The following SLC25A13 variants were observed in gnomAD, a reference collection of about 807,000 sequenced individuals.
SLC25A13 encodes solute carrier family 25 member 13, also known as electrogenic aspartate/glutamate antiporter SLC25A13, mitochondrial.
In SLC25A13, 70 loss-of-function variants were observed where a neutral mutation model predicts 85.5. The ratio of observed to expected loss-of-function variants is 0.82; its 90% confidence interval spans 0.68 to 1.00. The LOEUF (loss-of-function observed/expected upper bound fraction) is 1.00. Among genes scored for constraint, SLC25A13 ranks in the 50% least tolerant of loss-of-function variants. The pLI is 0.00. For synonymous variants in SLC25A13, 259 were observed against 288.7 expected (o/e 0.90, Z 1.04); for missense variants, 765 against 819.8 (o/e 0.93, Z 0.82).
chr7:96,283,421 A>G (rs1298461785), intron 2 of SLC25A13: 1 of 423,880 alleles, frequency 2.4e-6, no homozygotes, highest in Non-Finnish European at 4.7e-6. Flanking sequence ...TTTAGAAAAC[A>G]TAGAGTTGTT....
chr7:96,229,104 G>A (rs369763682), intron 4 of SLC25A13, among the ~76,000 whole-genome samples: 11 of 152,242 alleles, frequency 7.2e-5, no homozygotes, highest in African/African-American at 1.9e-4. Flanking sequence ...GGCGCATGGC[G>A]TGGGACTGAT....
At chr7:96,122,111 T>G in intron 15 of SLC25A13, 114 bp from the exon 16 acceptor site, 1 of 1,387,000 alleles carries the variant, frequency 7.2e-7, no homozygotes, top group South Asian at 1.2e-5. Flanking sequence ...TTCAATAAAA[T>G]GCCTATTTTG....
intron 2 of SLC25A13, among the ~76,000 whole-genome samples, chr7:96,289,456 C>A (rs1295869195): frequency 6.6e-6 from 1 of 152,144 alleles, no homozygotes; most frequent in Non-Finnish European, 1.5e-5. Context: ...GATCAAACTT[C>A]TCCGAGCTAA....
At chr7:96,143,335 A>G (rs1200416645) in intron 14 of SLC25A13, among the ~76,000 whole-genome samples, 1 of 152,214 alleles carries the variant, frequency 6.6e-6, no homozygotes, top group Non-Finnish European at 1.5e-5. Context: ...TGCTATGTTA[A>G]GTTTATTTGA....
chr7:96,290,937 C>A (rs1203238457), intron 2 of SLC25A13, among the ~76,000 whole-genome samples: 1 of 152,222 alleles, frequency 6.6e-6, no homozygotes, highest in East Asian at 1.9e-4. Flanking sequence ...ACCTAACAGA[C>A]ATCTACAGAA....
Position 96,241,037 on chromosome 7 carries a change from G to GGAAAGAAAGAAA in SLC25A13, c.213-6132_213-6121dup, listed in dbSNP as rs200466951. ...AAGAAAAGAAAAGAAAAGAAAGAAA[G>GGAAAGAAAGAAA]GAAAGAAAGAAAGAAAGAAAGAAAG... On this transcript the variant is annotated intron_variant, in intron 3 of 17. Coordinates refer to ENST00000265631, the MANE Select transcript of SLC25A13 (RefSeq NM_014251.3). Among the ~76,000 whole-genome samples, 718 of 80,672 alleles carry GGAAAGAAAGAAA rather than the reference G, an allele frequency of 8.9e-3. 13 individuals carry two copies. Among genetic ancestry groups the GGAAAGAAAGAAA allele is most frequent in the East Asian group, 0.025 (67 of 2,688 alleles). The allele number at this position is 80,672 out of a possible 152,430, so 52.9% of individuals were successfully genotyped here.
intron 14 of SLC25A13, among the ~76,000 whole-genome samples, chr7:96,138,574 T>A (rs1792391598): frequency 6.6e-6 from 1 of 151,998 alleles, no homozygotes; most frequent in Non-Finnish European, 1.5e-5. Context: ...TAAAAAAATA[T>A]TTTTGTGTAG....
rs375720952 is a variant in SLC25A13, at chr7:96,186,773, T to G, written c.934-1762A>C. ...TGTCATATGATTCTTTGTACCTATT[T>G]AAATGTTTGACCTATTTCCTGGTAA... On this transcript the variant is annotated intron_variant, in intron 9 of 17. Coordinates refer to ENST00000265631, the MANE Select transcript of SLC25A13 (RefSeq NM_014251.3). Among the ~76,000 whole-genome samples the G allele has an allele frequency of 4.7e-3, 719 of 152,368 alleles. 8 individuals carry two copies. The highest frequency in any genetic ancestry group is 8.6e-3 in the Non-Finnish European group (585 of 68,032).
intron 3 of SLC25A13, among the ~76,000 whole-genome samples, chr7:96,247,420 G>A (rs552745556): frequency 1.5e-3 from 232 of 152,248 alleles, no homozygotes; most frequent in Non-Finnish European, 2.2e-3. Context: ...GATGACGTAA[G>A]AGAACTCAGA....
intron 13 of SLC25A13, among the ~76,000 whole-genome samples, chr7:96,154,824 G>GTC (rs995875109): frequency 2.1e-5 from 3 of 145,150 alleles, no homozygotes; most frequent in African/African-American, 7.8e-5. Context: ...TTAAGACAGA[G>GTC]TCTCTCTCTG....
chr7:96,124,585 G>A (rs1791648931), intron 15 of SLC25A13, among the ~76,000 whole-genome samples: 2 of 152,120 alleles, frequency 1.3e-5, no homozygotes, highest in South Asian at 4.1e-4. Context: ...ATTGCTACTT[G>A]CTTATTGTTG....
rs1795800396 is a variant in SLC25A13 at position 96,214,167 on chromosome 7, T to C, written c.329-5190A>G. Among the ~76,000 whole-genome samples, 10 of 152,312 alleles carry C rather than the reference T, an allele frequency of 6.6e-5. No individual in the cohort carries two copies. In the South Asian group the frequency reaches 2.1e-3, roughly 32 times the overall value. ...AAGACAATTACAAAGTGGCAGTTGT[T>C]TACTTCCTAAAGATAACCTCAAAAA... On this transcript the variant is annotated intron_variant, in intron 4 of 17. Coordinates refer to ENST00000265631, the MANE Select transcript of SLC25A13 (RefSeq NM_014251.3).
intron 2 of SLC25A13, among the ~76,000 whole-genome samples, chr7:96,287,326 G>A (rs956323884): frequency 2.6e-5 from 4 of 152,094 alleles, no homozygotes; most frequent in African/African-American, 9.7e-5. Flanking sequence ...TTCAGGTATG[G>A]TCCCCCTGAC....
chr7:96,194,364 C>A (rs1794974216), intron 5 of SLC25A13, among the ~76,000 whole-genome samples: 2 of 126,740 alleles, frequency 1.6e-5, no homozygotes, highest in South Asian at 2.7e-4. Flanking sequence ...ATCACCTGAG[C>A]CTGGGGAGGA....
At chr7:96,227,970 T>C (rs1337823987) in intron 4 of SLC25A13, among the ~76,000 whole-genome samples, 3 of 152,162 alleles carry the variant, frequency 2.0e-5, no homozygotes, top group Admixed American at 6.5e-5. Context: ...GTTCAAGCGA[T>C]TCTCCTGCCT....
chr7:96,158,649 G>A (rs1250796204), intron 13 of SLC25A13, among the ~76,000 whole-genome samples: 2 of 152,136 alleles, frequency 1.3e-5, no homozygotes, highest in Admixed American at 6.5e-5. Context: ...GTGCTTACAC[G>A]TGTCAAAAAT....
intron 12 of SLC25A13, 22 bp downstream of exon 12, chr7:96,171,450 A>T: frequency 6.2e-7 from 1 of 1,605,500 alleles, no homozygotes; most frequent in South Asian, 1.1e-5. Context: ...CTTAATAAGA[A>T]GCACCAACTC....
At chr7:96,279,737 G>GT (rs1033183698) in intron 2 of SLC25A13, among the ~76,000 whole-genome samples, 2 of 152,074 alleles carry the variant, frequency 1.3e-5, no homozygotes, top group African/African-American at 2.4e-5. Context: ...GTTTATCTGA[G>GT]TTTTTTTAAA....
At chr7:96,315,850 A>G (rs1800107939) in intron 1 of SLC25A13, among the ~76,000 whole-genome samples, 2 of 152,246 alleles carry the variant, frequency 1.3e-5, no homozygotes, top group South Asian at 4.1e-4. Context: ...ATCCTCAATG[A>G]CAAACCTCTG....
Sources: gnomAD v4.1 joint callset for allele counts (sites outside exome capture counted in the v4.1 genomes callset) on GRCh38, gnomAD v4.1.1 for gene constraint, MANE v1.5 for transcripts, NCBI Gene and HGNC (gene_info 2026-07-23, HGNC 2026-07-21) for gene names.